PDE4D: variants seen among roughly 807,000 people sequenced by gnomAD.
PDE4D encodes phosphodiesterase 4D.
A neutral mutation model predicts 87.4 loss-of-function variants in PDE4D; 24 were observed. That is an observed-to-expected ratio of 0.27 (90% CI 0.20 to 0.39). The LOEUF is 0.39. PDE4D is among the 10% of genes least tolerant of loss of function. PDE4D has a pLI of 1.00. For missense variants in PDE4D, 714 were observed against 1,041.0 expected (o/e 0.69, Z 4.32); for synonymous variants, 384 against 383.2 (o/e 1.00, Z -0.02).
intron 1 of PDE4D, among the ~76,000 whole-genome samples, chr5:59,596,507 T>A (rs1011223190): frequency 6.6e-6 from 1 of 151,454 alleles, no homozygotes; most frequent in African/African-American, 2.4e-5. Flanking sequence ...GGTAGTGGGG[T>A]TTTCTGGTCT....
intron 1 of PDE4D, among the ~76,000 whole-genome samples, chr5:60,476,157 G>A (rs971965226): frequency 1.6e-4 from 24 of 152,226 alleles, no homozygotes; most frequent in African/African-American, 5.8e-4. Context: ...GTTTTCACAT[G>A]CAAGTTTTAT....
At chr5:60,296,116 T>C (rs1275660897) in intron 1 of PDE4D, among the ~76,000 whole-genome samples, 2 of 152,114 alleles carry the variant, frequency 1.3e-5, no homozygotes. Flanking sequence ...AGGCCTCAAC[T>C]CCTAATACAA....
chr5:60,163,814 AT>A (rs1322995744), intron 2 of PDE4D, among the ~76,000 whole-genome samples: 1 of 152,190 alleles, frequency 6.6e-6, no homozygotes, highest in Non-Finnish European at 1.5e-5. Flanking sequence ...AAGGGGCAAG[AT>A]TTGGAAAGAA....
chr5:59,475,110 G>A (rs16889885), intron 1 of PDE4D, among the ~76,000 whole-genome samples: 27,802 of 151,960 alleles, frequency 0.18, 2,696 homozygotes, highest in Admixed American at 0.22. Context: ...CTCCTTCCTA[G>A]ATAACTGTAA....
At chr5:60,407,444 C>CTTTTTTTT (rs70975385) in intron 1 of PDE4D, among the ~76,000 whole-genome samples, 1 of 80,094 alleles carries the variant, frequency 1.2e-5, no homozygotes, top group Non-Finnish European at 2.3e-5. Flanking sequence ...TTTCTTTTTC[C>CTTTTTTTT]TTTTTTTTTT....
chr5:59,835,719 T>C (rs1741918034), intron 1 of PDE4D, among the ~76,000 whole-genome samples: 1 of 152,060 alleles, frequency 6.6e-6, no homozygotes, highest in African/African-American at 2.4e-5. Context: ...CAGAGGCAAG[T>C]TGCTTATCAC....
At chr5:59,945,399 T>G (rs1393694224) in intron 3 of PDE4D, among the ~76,000 whole-genome samples, 1 of 152,232 alleles carries the variant, frequency 6.6e-6, no homozygotes, top group Non-Finnish European at 1.5e-5. Flanking sequence ...CAGCCCAGCC[T>G]TTTATTTTAG....
chr5:60,106,059 TG>T (rs1247715869), intron 2 of PDE4D, among the ~76,000 whole-genome samples: 1 of 151,812 alleles, frequency 6.6e-6, no homozygotes, highest in African/African-American at 2.4e-5. Context: ...AGACACAGAC[TG>T]GCAAATTGGA....
intron 1 of PDE4D, chr5:59,703,672 T>C: frequency 1.9e-6 from 1 of 523,520 alleles, no homozygotes; most frequent in Non-Finnish European, 3.9e-6. Flanking sequence ...GATTAGTAAC[T>C]GGTTGAACAA....
intron 1 of PDE4D, among the ~76,000 whole-genome samples, chr5:60,482,235 C>T (rs1276401494): frequency 6.6e-6 from 1 of 152,052 alleles, no homozygotes; most frequent in Admixed American, 6.6e-5. Flanking sequence ...AGAAGTCAGC[C>T]ACTTGCAACC....
Position 59,447,914 on chromosome 5 carries a change from G to A in PDE4D, c.456-231946C>T, listed in dbSNP as rs1798582151. ...AATTTCTTCTGCCTTCTCAGGATGG[G>A]CAGCTCATTTAGGGTTGGTTCCAGA... On this transcript the variant is annotated intron_variant, in intron 1 of 14. Coordinates refer to ENST00000340635, the MANE Select transcript of PDE4D (RefSeq NM_001104631.2). Among the ~76,000 whole-genome samples, 3 of 152,272 alleles carry A rather than the reference G, an allele frequency of 2.0e-5. No individual in the cohort carries two copies. In the South Asian group the frequency reaches 6.2e-4, roughly 32 times the overall value.
chr5:59,430,033 T>A (rs1046246680), intron 1 of PDE4D, among the ~76,000 whole-genome samples: 1 of 152,138 alleles, frequency 6.6e-6, no homozygotes, highest in African/African-American at 2.4e-5. Context: ...TCATGGGTGA[T>A]TTTGATGGCA....
intron 2 of PDE4D, among the ~76,000 whole-genome samples, chr5:60,106,799 T>C (rs1473120329): frequency 6.6e-6 from 1 of 151,952 alleles, no homozygotes; most frequent in Non-Finnish European, 1.5e-5. Context: ...AAAGATATTC[T>C]TTGAAACCAA....
intron 1 of PDE4D, among the ~76,000 whole-genome samples, chr5:60,369,787 G>A (rs948300469): frequency 1.3e-5 from 2 of 152,110 alleles, no homozygotes; most frequent in African/African-American, 4.8e-5. Context: ...TAAGTGTGGG[G>A]TCTGCAGGAA....
intron 1 of PDE4D, among the ~76,000 whole-genome samples, chr5:59,227,851 G>T (rs909507980): frequency 6.6e-6 from 1 of 152,088 alleles, no homozygotes; most frequent in Non-Finnish European, 1.5e-5. Context: ...GGTGATTCCT[G>T]AAAGAACTAA....
intron 1 of PDE4D, among the ~76,000 whole-genome samples, chr5:60,251,185 C>G (rs1395561558): frequency 6.6e-6 from 1 of 151,840 alleles, no homozygotes; most frequent in Admixed American, 6.6e-5. Flanking sequence ...TAAAAATTAG[C>G]TATTAATTTT....
chr5:60,091,974 C>T (rs1364083803), intron 2 of PDE4D, among the ~76,000 whole-genome samples: 39 of 148,322 alleles, frequency 2.6e-4, no homozygotes, highest in African/African-American at 8.1e-4. Context: ...TGGCGTGAAC[C>T]CGGGAGGCGG....
chr5:59,479,026 T>C (rs1194098610), intron 1 of PDE4D, among the ~76,000 whole-genome samples: 1 of 152,052 alleles, frequency 6.6e-6, no homozygotes, highest in Non-Finnish European at 1.5e-5. Context: ...TTTTGGGTGA[T>C]ACACAAGAAA....
chr5:59,379,175 A>G (rs1785287045), intron 1 of PDE4D, among the ~76,000 whole-genome samples: 1 of 152,100 alleles, frequency 6.6e-6, no homozygotes, highest in Admixed American at 6.6e-5. Context: ...TCCCAGGGCT[A>G]AAAAAGTGAC....
Sources: gnomAD v4.1 joint callset for allele counts (sites outside exome capture counted in the v4.1 genomes callset) on GRCh38, gnomAD v4.1.1 for gene constraint, MANE v1.5 for transcripts, NCBI Gene and HGNC (gene_info 2026-07-23, HGNC 2026-07-21) for gene names.